The following LOXL1 variants were observed in gnomAD, a reference collection of about 807,000 sequenced individuals.
LOXL1 encodes lysyl oxidase homolog 1.
A neutral mutation model predicts 62.2 loss-of-function variants in LOXL1; 31 were observed. The observed-to-expected ratio is 0.50, with a 90% CI of 0.37 to 0.67. The LOEUF (loss-of-function observed/expected upper bound fraction) is 0.67. Among genes scored for constraint, LOXL1 ranks in the 30% least tolerant of loss-of-function variants. LOXL1 has a pLI of 0.00. For missense variants in LOXL1, 775 were observed against 843.4 expected (o/e 0.92, Z 1.00); for synonymous variants, 403 against 384.4 (o/e 1.05, Z -0.56).
At chr15:73,934,079 G>A (rs558342055) in intron 1 of LOXL1, among the ~76,000 whole-genome samples, 5 of 152,244 alleles carry the variant, frequency 3.3e-5, no homozygotes, top group Admixed American at 1.3e-4. Context: ...ATGGGAAAGC[G>A]AGGCCCCAGA....
intron 1 of LOXL1, among the ~76,000 whole-genome samples, chr15:73,932,642 C>T (rs1262311891): frequency 1.3e-5 from 2 of 152,186 alleles, no homozygotes; most frequent in Non-Finnish European, 2.9e-5. Context: ...TCATATGGTG[C>T]ATACTAAGTG....
chr15:73,943,858 T>C (rs1039267423), intron 2 of LOXL1, among the ~76,000 whole-genome samples: 1 of 152,230 alleles, frequency 6.6e-6, no homozygotes, highest in African/African-American at 2.4e-5. Flanking sequence ...CAACATTTTC[T>C]CATTTCTAGA....
intron 1 of LOXL1, among the ~76,000 whole-genome samples, chr15:73,931,867 C>T (rs1355383351): frequency 6.6e-6 from 1 of 152,220 alleles, no homozygotes; most frequent in Non-Finnish European, 1.5e-5. Flanking sequence ...AGAGTTAGAG[C>T]CCAGAGGCAG....
chr15:73,937,285 G>A (rs1280600044), intron 1 of LOXL1, among the ~76,000 whole-genome samples: 1 of 152,258 alleles, frequency 6.6e-6, no homozygotes, highest in East Asian at 1.9e-4. Flanking sequence ...CACAGAGGAA[G>A]CTCCAGGGGC....
chr15:73,937,330 C>G (rs1433265341), intron 1 of LOXL1, among the ~76,000 whole-genome samples: 1 of 152,196 alleles, frequency 6.6e-6, no homozygotes, highest in African/African-American at 2.4e-5. Flanking sequence ...TCTGTCTTCT[C>G]GGCTCCGTGT....
rs2068576860 is a variant in LOXL1, at chr15:73,926,499, G to A, written c.-285G>A. 1 of 350,776 alleles carries A rather than the reference G, an allele frequency of 2.9e-6. No individual in the cohort carries two copies. Among genetic ancestry groups the A allele is most frequent in the Non-Finnish European group, 5.1e-6 (1 of 195,450 alleles). The allele number at this position is 350,776 out of a possible 1,614,324, so 21.7% of individuals were successfully genotyped here. On this transcript the variant is annotated 5_prime_UTR_variant, in exon 1 of 7. It adds an upstream start codon to the 5' untranslated region. Coordinates refer to ENST00000261921, the MANE Select transcript of LOXL1 (RefSeq NM_005576.4). The stretch of plus-strand genomic sequence containing the variant: ...AAAGCGCCAGCCGAGCGGCCAGCCA[G>A]TGCGGGGCTGGCCATGTAAGGCCCA...
chr15:73,927,435 G>T lies in LOXL1; in HGVS notation c.652G>T (p.Ala218Ser). ...CGGCGGCGTGGGCGCGGGGGCGGCG[G>T]CCGTGGCCTCGGCGGGGGTCATCTA... The part of the protein sequence containing the change: ...AGGGVGAGAA[A>S]VASAGVIYPY... The change falls in exon 1 of 7, where the codon GCC becomes TCC. Residue 218 changes from alanine (A) to serine (S), a missense_variant. Transcript: ENST00000261921. 1 of 1,469,202 alleles carries T rather than the reference G, an allele frequency of 6.8e-7. No individual in the cohort carries two copies. The highest frequency in any genetic ancestry group is 9.0e-7 in the Non-Finnish European group (1 of 1,112,068). 91.0% of individuals were successfully genotyped at this position (1,469,202 alleles called of 1,614,324 possible).
rs779859704 is a variant in LOXL1 at position 73,946,523 on chromosome 15, C to T, written c.1318C>T (p.Arg440Trp). The T allele has an allele frequency of 1.3e-5, 21 of 1,609,724 alleles. No homozygotes were observed. The highest frequency in any genetic ancestry group is 1.7e-5 in the Non-Finnish European group (20 of 1,178,270). ...AGCAGACTTCCTCCCCAACCGGCCACGGCACACCTGGGAGTGGCACAGCTG... is the reference window on the plus strand; with the variant it reads ...AGCAGACTTCCTCCCCAACCGGCCATGGCACACCTGGGAGTGGCACAGCTG... ...GTADFLPNRPRHTWEWHSCHQ... is the reference protein window; with the variant it reads ...GTADFLPNRPWHTWEWHSCHQ... The change falls in exon 3 of 7, where the codon CGG (arginine) becomes TGG (tryptophan). Residue 440 changes from arginine (R) to tryptophan (W), a missense_variant. Coordinates refer to ENST00000261921, the MANE Select transcript of LOXL1 (RefSeq NM_005576.4).
At position 73,927,146 on chromosome 15, in the gene LOXL1, T is replaced by C. The variant is rs1853581700; in HGVS notation, c.363T>C (p.Phe121=). The C allele has an allele frequency of 1.3e-6, 2 of 1,495,094 alleles. No homozygotes were observed. Among genetic ancestry groups the C allele is most frequent in the East Asian group, 2.7e-5 (1 of 36,906 alleles). 92.6% of individuals were successfully genotyped at this position (1,495,094 alleles called of 1,614,324 possible). Residue 121 remains phenylalanine (F), a synonymous_variant, in exon 1 of 7, where the codon TTT becomes TTC. Coordinates refer to ENST00000261921, the MANE Select transcript of LOXL1 (RefSeq NM_005576.4). ...VRGQARHPFG[F]GQVPDNWREV... ...GCCAGGCGCGGCACCCATTCGGCTTTGGCCAGGTGCCCGACAACTGGCGCG... is the reference window on the plus strand; with the variant it reads ...GCCAGGCGCGGCACCCATTCGGCTTCGGCCAGGTGCCCGACAACTGGCGCG...
intron 1 of LOXL1, among the ~76,000 whole-genome samples, chr15:73,941,320 C>T (rs1287890731): frequency 6.6e-6 from 1 of 152,218 alleles, no homozygotes. Flanking sequence ...ACCCTGGCTG[C>T]CTGGACCAGG....
chr15:73,947,268 T>C (rs2141637103), intron 4 of LOXL1, 45 bp downstream of exon 4: 2 of 1,557,890 alleles, frequency 1.3e-6, no homozygotes, highest in Non-Finnish European at 1.7e-6. Context: ...GGATAAGGAG[T>C]TGGGGAGGCA....
At chr15:73,946,966 G>A (rs67182653) in intron 3 of LOXL1, 101 bp from the exon 4 acceptor site, 228,903 of 1,285,584 alleles carry the variant, frequency 0.18, 21,440 homozygotes, top group East Asian at 0.35. Flanking sequence ...AGGAGGCTGT[G>A]CCACAGCAGG....
At chr15:73,948,213 T>C (rs1359115618) in intron 5 of LOXL1, among the ~76,000 whole-genome samples, 1 of 152,164 alleles carries the variant, frequency 6.6e-6, no homozygotes, top group Non-Finnish European at 1.5e-5. Flanking sequence ...TGGAGAGCCA[T>C]GTGGTCTATC....
At chr15:73,940,016 G>A (rs1278821973) in intron 1 of LOXL1, among the ~76,000 whole-genome samples, 1 of 152,216 alleles carries the variant, frequency 6.6e-6, no homozygotes, top group Non-Finnish European at 1.5e-5. Context: ...CTTTGGACCA[G>A]TCAGTCACCC....
rs970068089 is a variant in LOXL1, at chr15:73,927,555, C to T, written c.772C>T (p.Pro258Ser). 9 of 1,500,984 alleles carry T rather than the reference C, an allele frequency of 6.0e-6. No individual in the cohort carries two copies. The Admixed American group carries it at 6.4e-5, about 11-fold the overall frequency. The allele number at this position is 1,500,984 out of a possible 1,614,324, so 93.0% of individuals were successfully genotyped here. A position where few individuals can be genotyped will look rare whatever the true frequency, so the allele number is the denominator to read the frequency against. The change falls in exon 1 of 7, where the codon CCC becomes TCC. Residue 258 changes from proline to serine, a missense_variant. Transcript: ENST00000261921. Reference sequence around the variant, plus strand: ...GGGCTTCTACCCGGCCCCCGAGAGGCCCTACGTGCCGCCGCCGCCGCCGCC... The same window carrying T: ...GGGCTTCTACCCGGCCCCCGAGAGGTCCTACGTGCCGCCGCCGCCGCCGCC... Reference protein sequence around the residue: ...PQGFYPAPERPYVPPPPPPPD... With the variant: ...PQGFYPAPERSYVPPPPPPPD...
At chr15:73,937,169 A>G (rs4423374) in intron 1 of LOXL1, among the ~76,000 whole-genome samples, 148,493 of 152,246 alleles carry the variant, frequency 0.98, 72,427 homozygotes, top group East Asian at 1. Flanking sequence ...GCCGTCAGCA[A>G]CTCCAGACCC....
chr15:73,949,882 A>G (rs561409451), intron 6 of LOXL1, among the ~76,000 whole-genome samples: 1 of 152,254 alleles, frequency 6.6e-6, no homozygotes, highest in South Asian at 2.1e-4. Flanking sequence ...CCAGTTCCAC[A>G]GCTTCCTCGC....
At position 73,927,561 on chromosome 15, in the gene LOXL1, G is replaced by A. The variant is rs2068594902; in HGVS notation, c.778G>A (p.Val260Met). 6.8e-7 allele frequency: 1 copy of A among 1,479,468 alleles called. No individual in the cohort carries two copies. Among genetic ancestry groups the A allele is most frequent in the Non-Finnish European group, 8.9e-7 (1 of 1,118,846 alleles). The allele number at this position is 1,479,468 out of a possible 1,614,324, so 91.6% of individuals were successfully genotyped here. Reference sequence around the variant, plus strand: ...CTACCCGGCCCCCGAGAGGCCCTACGTGCCGCCGCCGCCGCCGCCCCCCGA... The same window carrying A: ...CTACCCGGCCCCCGAGAGGCCCTACATGCCGCCGCCGCCGCCGCCCCCCGA... ...GFYPAPERPY[V>M]PPPPPPPDGL... is the part of the protein sequence containing the mutation. Residue 260 changes from valine (V) to methionine (M), a missense_variant, in exon 1 of 7, where the codon GTG becomes ATG. By Grantham distance (21) the Val-to-Met change is conservative. Coordinates refer to ENST00000261921, the MANE Select transcript of LOXL1 (RefSeq NM_005576.4).
chr15:73,933,886 G>C (rs572010409), intron 1 of LOXL1, among the ~76,000 whole-genome samples: 1 of 152,240 alleles, frequency 6.6e-6, no homozygotes, highest in African/African-American at 2.4e-5. Flanking sequence ...TGACCTAGCC[G>C]CCTCATTTCC....
Sources: gnomAD v4.1 joint callset for allele counts (sites outside exome capture counted in the v4.1 genomes callset) on GRCh38, gnomAD v4.1.1 for gene constraint, MANE v1.5 for transcripts, NCBI Gene and HGNC (gene_info 2026-07-23, HGNC 2026-07-21) for gene names.